IQSEC3: variants seen among roughly 807,000 people sequenced by gnomAD.
IQSEC3 encodes IQ motif and Sec7 domain ArfGEF 3.
Under a neutral mutation model 105.4 loss-of-function variants are expected in IQSEC3, and 50 were observed. The observed-to-expected ratio is 0.47, with a 90% CI of 0.38 to 0.60. IQSEC3 has a LOEUF of 0.60. IQSEC3 is among the 20% of genes least tolerant of loss of function. The pLI is 0.00. For synonymous variants in IQSEC3, 708 were observed against 746.0 expected, an observed-to-expected ratio of 0.95 and a Z score of 0.83; for missense variants, 1,415 against 1,630.0, an observed-to-expected ratio of 0.87 and a Z score of 2.27.
At chr12:159,150 T>C (rs1301185712) in intron 7 of IQSEC3, among the ~76,000 whole-genome samples, 2 of 152,252 alleles carry the variant, frequency 1.3e-5, no homozygotes, top group African/African-American at 4.8e-5. Flanking sequence ...TCATCTATAC[T>C]TTCCTTGGAG....
At chr12:165,643 C>A (rs1020156184) in intron 10 of IQSEC3, 86 bp from the exon 11 acceptor site, 3 of 1,574,472 alleles carry the variant, frequency 1.9e-6, no homozygotes, top group Non-Finnish European at 2.6e-6. Flanking sequence ...AGGCATGAGA[C>A]CCCGTGCCCT....
At chr12:164,482 T>TGCTGCTCCTTCTTGCAAA (rs1337795569) in intron 9 of IQSEC3, among the ~76,000 whole-genome samples, 1 of 152,184 alleles carries the variant, frequency 6.6e-6, no homozygotes, top group African/African-American at 2.4e-5. Flanking sequence ...CCTTTGTACT[T>TGCTGCTCCTTCTTGCAAA]GCTGCTCCTT....
intron 3 of IQSEC3, among the ~76,000 whole-genome samples, chr12:131,742 G>A (rs1865608842): frequency 6.6e-6 from 1 of 151,980 alleles, no homozygotes; most frequent in South Asian, 2.1e-4. Context: ...ATTGAGGGTG[G>A]GGAGGAAGGT....
chr12:163,414 C>T (rs977701590), intron 8 of IQSEC3, 80 bp from the exon 9 acceptor site: 17 of 1,471,838 alleles, frequency 1.2e-5, no homozygotes, highest in Admixed American at 2.1e-5. Flanking sequence ...GGGCTGTCTC[C>T]TCTTCTGGAA....
intron 1 of IQSEC3, among the ~76,000 whole-genome samples, chr12:97,693 G>A (rs367593053): frequency 6.6e-6 from 1 of 152,164 alleles, no homozygotes; most frequent in Non-Finnish European, 1.5e-5. Context: ...GCACATGCCT[G>A]TAGCTGAGAC....
Position 133,732 on chromosome 12 carries a change from G to A in IQSEC3, c.904-4535G>A, listed in dbSNP as rs184266908. The stretch of plus-strand genomic sequence containing the variant: ...CATTTGCTCCTGGAGTGAGGCAGAG[G>A]TTAGTGTTCTGGAGGTTCAGTGTAA... On this transcript the variant is annotated intron_variant, in intron 3 of 13. Transcript: ENST00000538872. Among the ~76,000 whole-genome samples the A allele has an allele frequency of 1.3e-4, 19 of 151,834 alleles. No individual in the cohort carries two copies. The East Asian group carries it at 3.7e-3, about 29-fold the overall frequency.
chr12:143,611 A>G (rs1380302263), intron 5 of IQSEC3: 5 of 154,748 alleles, frequency 3.2e-5, no homozygotes, highest in African/African-American at 8.5e-5. Context: ...GGGGTGCCAG[A>G]GTTCATGCAG....
At chr12:159,935 C>T (rs782398417) in intron 7 of IQSEC3, among the ~76,000 whole-genome samples, 1 of 152,188 alleles carries the variant, frequency 6.6e-6, no homozygotes, top group Non-Finnish European at 1.5e-5. Context: ...ACTTCCTTGA[C>T]TTTCTGGAAA....
intron 2 of IQSEC3, among the ~76,000 whole-genome samples, chr12:104,479 G>A (rs943183782): frequency 6.6e-6 from 1 of 152,208 alleles, no homozygotes; most frequent in African/African-American, 2.4e-5. Context: ...AGAATTAACT[G>A]ATGTTAATAT....
intron 2 of IQSEC3, chr12:106,763 G>C (rs1555078007): frequency 1.3e-5 from 2 of 152,194 alleles, no homozygotes; most frequent in African/African-American, 4.8e-5. Context: ...TGTAGGCGTA[G>C]AGATTTTTCT....
At chr12:137,478 T>C (rs1865813223) in intron 3 of IQSEC3, 1 of 152,182 alleles carries the variant, frequency 6.6e-6, no homozygotes, top group African/African-American at 2.4e-5. Flanking sequence ...CCCGTAGCTA[T>C]CATCCAGCTG....
Position 79,200 on chromosome 12 carries a change from C to T in IQSEC3, c.554+11764C>T, listed in dbSNP as rs535067091. Reference sequence around the variant, plus strand: ...CTGCAGCGCAGGGGCTGTGGCCAGACCAGCTTTGGGCACAGGGAGGCCCTC... The same window carrying T: ...CTGCAGCGCAGGGGCTGTGGCCAGATCAGCTTTGGGCACAGGGAGGCCCTC... On this transcript the variant is annotated intron_variant, in intron 1 of 13. Coordinates refer to ENST00000538872, the MANE Select transcript of IQSEC3 (RefSeq NM_001170738.2). 6.8e-4 allele frequency among the ~76,000 whole-genome samples: 101 copies of T among 148,028 alleles called. 1 individual carries two copies. Among genetic ancestry groups the T allele is most frequent in the African/African-American group, 2.4e-3 (96 of 39,632 alleles).
intron 11 of IQSEC3, 91 bp downstream of exon 11, chr12:165,981 A>T: frequency 6.9e-7 from 1 of 1,459,068 alleles, no homozygotes; most frequent in Non-Finnish European, 9.3e-7. Context: ...GACTCCAGGG[A>T]GCTGGCCCCA....
At chr12:105,752 C>T (rs1555077723) in intron 2 of IQSEC3, among the ~76,000 whole-genome samples, 1 of 152,210 alleles carries the variant, frequency 6.6e-6, no homozygotes, top group Non-Finnish European at 1.5e-5. Flanking sequence ...TGAGTTTTGA[C>T]TTTCTGTCCA....
rs782600972 is a variant in IQSEC3 at position 140,833 on chromosome 12, G to C, written c.1992-291G>C. On this transcript the variant is annotated intron_variant, in intron 4 of 13. Coordinates refer to ENST00000538872, the MANE Select transcript of IQSEC3 (RefSeq NM_001170738.2). ...ATATTGACAACAGGATATGGGTAGG[G>C]GGAAGGGCAGGACTGGGGTAAGACC... is the stretch of plus-strand genomic sequence containing the variant. 147 of 373,468 alleles carry C rather than the reference G, an allele frequency of 3.9e-4. 1 individual carries two copies. The highest frequency in any genetic ancestry group is 6.8e-4 in the Middle Eastern group (1 of 1,466). The allele number at this position is 373,468 out of a possible 1,614,324, so 23.1% of individuals were successfully genotyped here.
At chr12:124,991 C>CTGTGACT (rs1555082770) in intron 2 of IQSEC3, among the ~76,000 whole-genome samples, 1 of 152,112 alleles carries the variant, frequency 6.6e-6, no homozygotes, top group African/African-American at 2.4e-5. Flanking sequence ...AGCCGCAGCC[C>CTGTGACT]CCACACCTGG....
At position 165,459 on chromosome 12, in the gene IQSEC3, A is replaced by G; in HGVS notation, c.2735A>G (p.Lys912Arg). 1 of 1,614,114 alleles carries G rather than the reference A, an allele frequency of 6.2e-7. No individual in the cohort carries two copies. The highest frequency in any genetic ancestry group is 8.5e-7 in the Non-Finnish European group (1 of 1,180,006). Residue 912 changes from lysine (K) to arginine (R), a missense_variant, in exon 10 of 14, where the codon AAG (lysine) becomes AGG (arginine). Around this residue, in one of 6 missense-constraint regions of IQSEC3, gnomAD observed 419 missense variants for 436.2 expected, o/e 0.96. Transcript: ENST00000538872. The part of the protein sequence containing the change: ...LVILKLCPKK[K>R]SSSTYTFCKS... ...ATTCTCAAACTTTGCCCGAAGAAGA[A>G]GAGCTCCTCCACGTACACCTTTTGC...
Position 168,978 on chromosome 12 carries a change from G to A in IQSEC3, c.2972-35G>A, listed in dbSNP as rs782011458. On this transcript the variant is annotated intron_variant, in intron 11 of 13. Transcript: ENST00000538872. ...CTCGCCTCTGTGTGGTTGAGGTTAA[G>A]GTTTCTCTTGCTCACGGGCCTCTGC... is the stretch of plus-strand genomic sequence containing the variant. 5 of 1,582,362 alleles carry A rather than the reference G, an allele frequency of 3.2e-6. No homozygotes were observed. The South Asian group carries it at 3.3e-5, about 11-fold the overall frequency.
intron 2 of IQSEC3, among the ~76,000 whole-genome samples, chr12:107,402 C>CTTTTTTTTTTTTTTTTTTTTTT (rs58053657): frequency 2.6e-5 from 2 of 75,984 alleles, no homozygotes; most frequent in Non-Finnish European, 4.7e-5. Context: ...AGTCTGTTTT[C>CTTTTTTTTTTTTTTTTTTTTTT]TTTTTTTTTT....
Sources: allele counts gnomAD v4.1 joint callset (sites outside exome capture counted in the v4.1 genomes callset), GRCh38; gene constraint gnomAD v4.1.1; regional missense constraint gnomAD v4.1.1; transcripts MANE v1.5; gene names NCBI Gene and HGNC (gene_info 2026-07-23, HGNC 2026-07-21).